C1QL1: variants seen among roughly 807,000 people sequenced by gnomAD.
The protein encoded by C1QL1 is C1q-related factor.
A neutral mutation model predicts 14.2 loss-of-function variants in C1QL1; 15 were observed. The ratio of observed to expected loss-of-function variants is 1.06; its 90% confidence interval spans 0.71 to 1.62. The LOEUF is 1.62. Among genes scored for constraint, C1QL1 ranks in the 40% most tolerant of loss-of-function variants. C1QL1 has a pLI of 0.00. For missense variants in C1QL1, 346 were observed against 380.3 expected, an observed-to-expected ratio of 0.91 and a Z score of 0.75; for synonymous variants, 172 against 172.4, an observed-to-expected ratio of 1.00 and a Z score of 0.02.
chr17:44,967,804 C>G lies in C1QL1; in HGVS notation c.245G>C (p.Gly82Ala). Residue 82 changes from glycine to alanine, a missense_variant, in exon 1 of 2, where the codon GGG becomes GCG. Gly to Ala is a moderately conservative substitution (Grantham distance 60). Coordinates refer to ENST00000253407, the MANE Select transcript of C1QL1 (RefSeq NM_006688.5). The surrounding 1 kb of genome is among the most constrained non-coding windows in gnomAD (Gnocchi z 7.0). ...PGRTGKPGPP[G>A]PPGDPGPPGP... ...GGGAGGACCTGGGTCCCCGGGAGGC[C>G]CCGGAGGGCCGGGCTTGCCGGTGCG... 1 of 1,435,828 alleles carries G rather than the reference C, an allele frequency of 7.0e-7. No homozygotes were observed. The highest frequency in any genetic ancestry group is 9.0e-7 in the Non-Finnish European group (1 of 1,109,944). 88.9% of individuals were successfully genotyped at this position (1,435,828 alleles called of 1,614,324 possible).
chr17:44,961,631 A>G (rs2052627513), intron 1 of C1QL1, among the ~76,000 whole-genome samples: 1 of 146,724 alleles, frequency 6.8e-6, no homozygotes, highest in African/African-American at 2.6e-5. Flanking sequence ...TCACGCCTGT[A>G]ATCCCAGCAC....
Position 44,960,352 on chromosome 17 carries a change from T to C in C1QL1, c.613A>G (p.Ile205Val), listed in dbSNP as rs2145778473. The change falls in exon 2 of 2, where the codon ATT becomes GTT. Residue 205 changes from isoleucine to valine, a missense_variant. By Grantham distance (29) the Ile-to-Val change is conservative. Transcript: ENST00000253407. ...CKNGQVRASA[I>V]AQDADQNYDY... ...TAGTTCTGGTCCGCGTCCTGGGCAATAGCACTGGCCCGCACCTGCGGGTGG... is the reference window on the plus strand; with the variant it reads ...TAGTTCTGGTCCGCGTCCTGGGCAACAGCACTGGCCCGCACCTGCGGGTGG... The C allele has an allele frequency of 6.2e-7, 1 of 1,613,308 alleles. No homozygotes were observed. Among genetic ancestry groups the C allele is most frequent in the Non-Finnish European group, 8.5e-7 (1 of 1,179,808 alleles).
In C1QL1 at chr17:44,967,766, G is replaced by A; in HGVS notation, c.283C>T (p.Pro95Ser). 6.5e-7 allele frequency: 1 copy of A among 1,550,106 alleles called. No homozygotes were observed. The highest frequency in any genetic ancestry group is 1.4e-5 in the African/African-American group (1 of 73,372). The change falls in exon 1 of 2, where the codon CCG becomes TCG. Residue 95 changes from proline (P) to serine (S), a missense_variant. Coordinates refer to ENST00000253407, the MANE Select transcript of C1QL1 (RefSeq NM_006688.5). This position sits in a 1 kb window ranked among gnomAD's most constrained non-coding sequence, Gnocchi z 7.0. ...GDPGPPGPVG[P>S]PGEKGEPGKP... ...CCTGGCTCACCCTTCTCCCCCGGCG[G>A]CCCCACAGGGCCGGGAGGACCTGGG...
rs1175207857 is a variant in C1QL1 at position 44,967,458 on chromosome 17, A to C, written c.591T>G (p.Asn197Lys). The change falls in exon 1 of 2, where the codon AAT becomes AAG. Residue 197 changes from asparagine (N) to lysine (K), a missense_variant. By Grantham distance (94) the Asn-to-Lys change is moderately conservative. Coordinates refer to ENST00000253407, the MANE Select transcript of C1QL1 (RefSeq NM_006688.5). This position sits in a 1 kb window ranked among gnomAD's most constrained non-coding sequence, Gnocchi z 7.0. ...GTSMWADLCK[N>K]GQVRASAIAQ... ...ATGCCCCCGCCTGGCCCACCTGGCC[A>C]TTCTTGCAGAGGTCTGCCCACATAC... 1.2e-6 allele frequency: 2 copies of C among 1,613,346 alleles called. No homozygotes were observed.
rs1224343100 is a variant in C1QL1, at chr17:44,967,386, C to A, written c.597+66G>T. On this transcript the variant is annotated intron_variant, in intron 1 of 1. Coordinates refer to ENST00000253407, the MANE Select transcript of C1QL1 (RefSeq NM_006688.5). The surrounding 1 kb of genome is among the most constrained non-coding windows in gnomAD (Gnocchi z 7.0). Reference sequence around the variant, plus strand: ...CGCCCCCGCCAACTCCGATCAGGTACCCATTTGCCCCGGGCTCCCTGGGTG... The same window carrying A: ...CGCCCCCGCCAACTCCGATCAGGTAACCATTTGCCCCGGGCTCCCTGGGTG... 2.0e-6 allele frequency: 3 copies of A among 1,503,206 alleles called. No homozygotes were observed. The highest frequency in any genetic ancestry group is 1.8e-6 in the Non-Finnish European group (2 of 1,102,664). 93.1% of individuals were successfully genotyped at this position (1,503,206 alleles called of 1,614,324 possible).
chr17:44,963,589 T>TA (rs1567809261), intron 1 of C1QL1, among the ~76,000 whole-genome samples: 1 of 151,926 alleles, frequency 6.6e-6, no homozygotes, highest in African/African-American at 2.4e-5. Context: ...CACCCGGCTA[T>TA]GTTTTTTTGT....
At chr17:44,965,396 C>T (rs1209628667) in intron 1 of C1QL1, among the ~76,000 whole-genome samples, 3 of 152,338 alleles carry the variant, frequency 2.0e-5, no homozygotes, top group East Asian at 1.9e-4. Context: ...GATCCATCTG[C>T]CTCAGCCTCC....
At chr17:44,963,016 A>G (rs1337971459) in intron 1 of C1QL1, among the ~76,000 whole-genome samples, 1 of 152,186 alleles carries the variant, frequency 6.6e-6, no homozygotes, top group Non-Finnish European at 1.5e-5. Context: ...GAGACAGTTG[A>G]GGCCTGCAGC....
chr17:44,962,719 A>C (rs2052634867), intron 1 of C1QL1, among the ~76,000 whole-genome samples: 1 of 152,200 alleles, frequency 6.6e-6, no homozygotes, highest in African/African-American at 2.4e-5. Flanking sequence ...ATTACTACTA[A>C]TAACAATTAT....
At chr17:44,962,398 G>A (rs1444430306) in intron 1 of C1QL1, among the ~76,000 whole-genome samples, 1 of 152,184 alleles carries the variant, frequency 6.6e-6, no homozygotes, top group Non-Finnish European at 1.5e-5. Flanking sequence ...AACCTGAGAA[G>A]AAACTCTTTG....
At position 44,962,294 on chromosome 17, in the gene C1QL1, G is replaced by A. The variant is rs919914247; in HGVS notation, c.598-1927C>T. ...GTGCCAGAGCTGCTGACTCAGCCGC[G>A]ATGCTGCAATGAAGAGGACCCGACA... On this transcript the variant is annotated intron_variant, in intron 1 of 1. Coordinates refer to ENST00000253407, the MANE Select transcript of C1QL1 (RefSeq NM_006688.5). 7.2e-5 allele frequency among the ~76,000 whole-genome samples: 11 copies of A among 152,196 alleles called. No homozygotes were observed. In the South Asian group the frequency reaches 2.3e-3, roughly 31 times the overall value.
chr17:44,960,464 G>A (rs985343090), intron 1 of C1QL1, 97 bp from the exon 2 acceptor site: 3 of 778,868 alleles, frequency 3.9e-6, no homozygotes, highest in Non-Finnish European at 6.2e-6. Flanking sequence ...AGCAGACCCA[G>A]AAACCTGGCC....
intron 1 of C1QL1, among the ~76,000 whole-genome samples, chr17:44,964,024 G>A (rs2052642666): frequency 6.6e-6 from 1 of 152,176 alleles, no homozygotes; most frequent in African/African-American, 2.4e-5. Context: ...CAGGCTCCTT[G>A]CATCCTAATG....
rs763738947 is a variant in C1QL1, at chr17:44,967,493, C to T, written c.556G>A (p.Asp186Asn). 1.9e-6 allele frequency: 3 copies of T among 1,613,870 alleles called. No individual in the cohort carries two copies. Among genetic ancestry groups the T allele is most frequent in the Non-Finnish European group, 1.7e-6 (2 of 1,179,926 alleles). The change falls in exon 1 of 2, where the codon GAC becomes AAC. Residue 186 changes from aspartate to asparagine, a missense_variant. By Grantham distance (23) the Asp-to-Asn change is conservative (BLOSUM62 1). Coordinates refer to ENST00000253407, the MANE Select transcript of C1QL1 (RefSeq NM_006688.5). This position sits in a 1 kb window ranked among gnomAD's most constrained non-coding sequence, Gnocchi z 7.0. ...FTYHVLMRGG[D>N]GTSMWADLCK... ...AGGTCTGCCCACATACTGGTGCCGT[C>T]GCCGCCGCGCATGAGGACATGGTAG...
In C1QL1 at chr17:44,960,136, C is replaced by G; in HGVS notation, c.*52G>C. 1 of 1,558,028 alleles carries G rather than the reference C, an allele frequency of 6.4e-7. No homozygotes were observed. The highest frequency in any genetic ancestry group is 8.8e-7 in the Non-Finnish European group (1 of 1,132,560). ...GGGGCGAGTCATCGTCTGCCCCGCCCGGAGGGGACCCCGGCGGGTGAGGGA... is the reference window on the plus strand; with the variant it reads ...GGGGCGAGTCATCGTCTGCCCCGCCGGGAGGGGACCCCGGCGGGTGAGGGA... On this transcript the variant is annotated 3_prime_UTR_variant, in exon 2 of 2. Transcript: ENST00000253407.
rs1232181580 is a variant in C1QL1 at position 44,967,772 on chromosome 17, C to T, written c.277G>A (p.Val93Met). Residue 93 changes from valine (V) to methionine (M), a missense_variant, in exon 1 of 2, where the codon GTG becomes ATG. Coordinates refer to ENST00000253407, the MANE Select transcript of C1QL1 (RefSeq NM_006688.5). The surrounding 1 kb of genome is among the most constrained non-coding windows in gnomAD (Gnocchi z 7.0). ...TCACCCTTCTCCCCCGGCGGCCCCA[C>T]AGGGCCGGGAGGACCTGGGTCCCCG... ...PPGDPGPPGP[V>M]GPPGEKGEPG... 1.3e-6 allele frequency: 2 copies of T among 1,544,524 alleles called. No individual in the cohort carries two copies. Among genetic ancestry groups the T allele is most frequent in the Non-Finnish European group, 1.7e-6 (2 of 1,150,618 alleles).
Position 44,967,870 on chromosome 17 carries a change from G to A in C1QL1, c.179C>T (p.Pro60Leu), listed in dbSNP as rs1160311746. Residue 60 changes from proline to leucine, a missense_variant, in exon 1 of 2, where the codon CCG (proline) becomes CTG (leucine). By Grantham distance (98) the Pro-to-Leu change is moderately conservative. Transcript: ENST00000253407. The surrounding 1 kb of genome is among the most constrained non-coding windows in gnomAD (Gnocchi z 7.0). ...DALSEQSGAP[P>L]PSTLVQGPQG... is the part of the protein sequence containing the mutation. Reference sequence around the variant, plus strand: ...GGGGCCCTGCACCAGCGTGGAAGGCGGGGGCGCGCCGCTCTGCTCGCTCAG... The same window carrying A: ...GGGGCCCTGCACCAGCGTGGAAGGCAGGGGCGCGCCGCTCTGCTCGCTCAG... The A allele has an allele frequency of 7.6e-7, 1 of 1,313,102 alleles. No individual in the cohort carries two copies. The highest frequency in any genetic ancestry group is 9.6e-7 in the Non-Finnish European group (1 of 1,041,320). The allele number at this position is 1,313,102 out of a possible 1,614,324, so 81.3% of individuals were successfully genotyped here.
At chr17:44,966,866 T>G (rs1012544205) in intron 1 of C1QL1, among the ~76,000 whole-genome samples, 3 of 149,092 alleles carry the variant, frequency 2.0e-5, no homozygotes, top group African/African-American at 7.4e-5. Flanking sequence ...GCTCCCCAAC[T>G]CCCGGATTTT....
chr17:44,960,114 GCGAGTCAT>G lies in C1QL1; in HGVS notation c.*66_*73del. 1 of 1,375,622 alleles carries G rather than the reference GCGAGTCAT, an allele frequency of 7.3e-7. No individual in the cohort carries two copies. Among genetic ancestry groups the G allele is most frequent in the Non-Finnish European group, 1.0e-6 (1 of 974,224 alleles). 85.2% of individuals were successfully genotyped at this position (1,375,622 alleles called of 1,614,324 possible). A position where few individuals can be genotyped will look rare whatever the true frequency, so the allele number is the denominator to read the frequency against. On this transcript the variant is annotated 3_prime_UTR_variant, in exon 2 of 2. Transcript: ENST00000253407. The stretch of plus-strand genomic sequence containing the variant: ...CGGGCAGCGAGCGGGTGGGCGAGGG[GCGAGTCAT>G]CGTCTGCCCCGCCCGGAGGGGACCC...
Sources: allele counts gnomAD v4.1 joint callset (sites outside exome capture counted in the v4.1 genomes callset), GRCh38; gene constraint gnomAD v4.1.1; non-coding constraint Gnocchi (gnomAD v3.1); transcripts MANE v1.5; gene names NCBI Gene and HGNC (gene_info 2026-07-23, HGNC 2026-07-21).